Variants in AKAP13 observed in about 807,000 individuals in gnomAD.
AKAP13 encodes the protein A-kinase anchor protein 13.
Under a neutral mutation model 264.5 loss-of-function variants are expected in AKAP13, and 80 were observed. That is an observed-to-expected ratio of 0.30 (90% CI 0.25 to 0.36). The LOEUF (loss-of-function observed/expected upper bound fraction) is 0.36. AKAP13 is among the 10% of genes least tolerant of loss of function. The pLI, the probability that AKAP13 is intolerant of heterozygous loss-of-function variation, is 1.00. For synonymous variants in AKAP13, 1,380 were observed against 1,250.2 expected (o/e 1.10, Z -2.19); for missense variants, 3,712 against 3,435.2 (o/e 1.08, Z -2.01).
chr15:85,690,785 T>G (rs1054115067), intron 16 of AKAP13, among the ~76,000 whole-genome samples: 3 of 152,196 alleles, frequency 2.0e-5, no homozygotes, highest in African/African-American at 7.2e-5. Context: ...TAGTGCAGTG[T>G]ATGAGAGCTG....
rs1161786967 is a variant in AKAP13, at chr15:85,533,619, T to C, written c.217T>C (p.Cys73Arg). 10 of 1,613,874 alleles carry C rather than the reference T, an allele frequency of 6.2e-6. No individual in the cohort carries two copies. Among genetic ancestry groups the C allele is most frequent in the Middle Eastern group, 1.7e-4 (1 of 6,060 alleles). Residue 73 changes from cysteine to arginine, a missense_variant, in exon 4 of 37, where the codon TGT (cysteine) becomes CGT (arginine). Cys to Arg is a radical substitution (Grantham distance 180, BLOSUM62 -3). Around this residue, in one of 3 missense-constraint regions of AKAP13, gnomAD observed 2,759 missense variants for 2,411.7 expected, o/e 1.14. Coordinates refer to ENST00000394518, the MANE Select transcript of AKAP13 (RefSeq NM_007200.5). ...DCCETVKVQL[C>R]ASKEGLPVFV... Reference sequence around the variant, plus strand: ...TTGTGAAACAGTGAAGGTGCAGCTCTGTGCTTCCAAAGAGGGCCTTCCCGT... The same window carrying C: ...TTGTGAAACAGTGAAGGTGCAGCTCCGTGCTTCCAAAGAGGGCCTTCCCGT...
chr15:85,745,502 C>G lies in AKAP13; in HGVS notation c.*825C>G, dbSNP rs2542604. The G allele has an allele frequency of 0.94, 142,617 of 152,260 alleles. 66,844 individuals carry two copies. Among genetic ancestry groups the G allele is most frequent in the East Asian group, 0.98 (5,070 of 5,166 alleles). The allele number at this position is 152,260 out of a possible 1,614,324, so 9.4% of individuals were successfully genotyped here. On this transcript the variant is annotated 3_prime_UTR_variant, in exon 37 of 37. Transcript: ENST00000394518. The stretch of plus-strand genomic sequence containing the variant: ...CAGCATGTTTACCCACATGTTTTGG[C>G]CATGGATAAAGTGAAGAGGCCTACT...
intron 5 of AKAP13, among the ~76,000 whole-genome samples, chr15:85,562,915 T>C (rs1381340157): frequency 1.3e-5 from 2 of 150,336 alleles, no homozygotes; most frequent in African/African-American, 4.9e-5. Flanking sequence ...GGTTTCACCA[T>C]ATTGGCCAGG....
intron 10 of AKAP13, among the ~76,000 whole-genome samples, chr15:85,648,227 A>G (rs1402842625): frequency 1.3e-5 from 2 of 152,248 alleles, no homozygotes; most frequent in African/African-American, 4.8e-5. Context: ...AAACTAGGTC[A>G]TGGATATACA....
intron 1 of AKAP13, among the ~76,000 whole-genome samples, chr15:85,436,042 A>G: frequency 6.8e-6 from 1 of 146,026 alleles, no homozygotes; most frequent in Non-Finnish European, 1.5e-5. Context: ...AAGAGTCAAG[A>G]CCCATCAGTG....
chr15:85,689,231 G>C (rs932843331), intron 16 of AKAP13, among the ~76,000 whole-genome samples: 1 of 152,210 alleles, frequency 6.6e-6, no homozygotes, highest in Non-Finnish European at 1.5e-5. Flanking sequence ...CCTAGGTCCT[G>C]TGGTCTGTAT....
intron 34 of AKAP13, among the ~76,000 whole-genome samples, chr15:85,740,841 C>T (rs11632034): frequency 0.2 from 29,415 of 146,410 alleles, 3,891 homozygotes; most frequent in Middle Eastern, 0.45. Context: ...GACAAAAACC[C>T]GTGAGTTCCT....
intron 1 of AKAP13, among the ~76,000 whole-genome samples, chr15:85,478,298 A>G (rs956634502): frequency 2.0e-5 from 3 of 152,214 alleles, no homozygotes; most frequent in Admixed American, 6.5e-5. Context: ...TATGTCAAGA[A>G]AAAGATAACC....
In AKAP13 at chr15:85,580,942, A is replaced by G. The variant is rs745529052; in HGVS notation, c.2874A>G (p.Gln958=). Residue 958 remains glutamine, a synonymous_variant, in exon 7 of 37, where the codon CAA becomes CAG. Coordinates refer to ENST00000394518, the MANE Select transcript of AKAP13 (RefSeq NM_007200.5). ...AGCAGAGAACACCACCTCCTGGACA[A>G]GATACTCAACAATTTCATGAAAAAT... The part of the protein sequence containing the change: ...QEEQRTPPPG[Q]DTQQFHEKSI... 44 of 1,614,084 alleles carry G rather than the reference A, an allele frequency of 2.7e-5. No individual in the cohort carries two copies. The highest frequency in any genetic ancestry group is 1.9e-4 in the South Asian group (17 of 91,088).
rs188003400 is a variant in AKAP13, at chr15:85,500,407, C to T, written c.33+14654C>T. ...ACAGGAAGATTTATATTTTAAAGTTCTAGTATGTTGATTGTAACATTTTCA... is the reference window on the plus strand; with the variant it reads ...ACAGGAAGATTTATATTTTAAAGTTTTAGTATGTTGATTGTAACATTTTCA... On this transcript the variant is annotated intron_variant, in intron 2 of 36. Transcript: ENST00000394518. Among the ~76,000 whole-genome samples the T allele has an allele frequency of 5.4e-3, 818 of 152,228 alleles. 3 individuals are homozygous for T. Among genetic ancestry groups the T allele is most frequent in the Non-Finnish European group, 9.0e-3 (613 of 68,010 alleles).
chr15:85,381,184 G>C (rs1386657693), intron 1 of AKAP13, among the ~76,000 whole-genome samples: 1 of 152,104 alleles, frequency 6.6e-6, no homozygotes. Flanking sequence ...CGGCGCCGCC[G>C]GGGCGGGCTC....
Position 85,623,990 on chromosome 15 carries a change from CCTAA to C in AKAP13, c.4162-15381_4162-15378del, listed in dbSNP as rs1455983482. 3.9e-5 allele frequency among the ~76,000 whole-genome samples: 6 copies of C among 152,216 alleles called. No homozygotes were observed. In the South Asian group the frequency reaches 6.2e-4, roughly 16 times the overall value. On this transcript the variant is annotated intron_variant, in intron 8 of 36. Transcript: ENST00000394518. ...AGTTGGTAACTGATGGGAGCTTTCA[CCTAA>C]CTGAGTTCAGTAGCCAACTTTAGCT...
chr15:85,682,427 T>A (rs2291048), intron 15 of AKAP13, among the ~76,000 whole-genome samples: 28,516 of 152,184 alleles, frequency 0.19, 3,544 homozygotes, highest in Middle Eastern at 0.4. Context: ...GTCCTCATGA[T>A]AAAAATTGGT....
At chr15:85,462,699 G>C (rs973453259) in intron 1 of AKAP13, among the ~76,000 whole-genome samples, 5 of 152,200 alleles carry the variant, frequency 3.3e-5, no homozygotes, top group African/African-American at 1.2e-4. Context: ...AAATCTGGCA[G>C]AGAAATAGAA....
chr15:85,502,134 G>T (rs2076053690), intron 2 of AKAP13, among the ~76,000 whole-genome samples: 1 of 152,122 alleles, frequency 6.6e-6, no homozygotes, highest in Non-Finnish European at 1.5e-5. Flanking sequence ...TGCATTTCTG[G>T]TAAGTTCCCA....
At chr15:85,730,837 A>G (rs993881080) in intron 30 of AKAP13, 130 bp downstream of exon 30, 8 of 805,890 alleles carry the variant, frequency 9.9e-6, no homozygotes, top group African/African-American at 5.2e-5. Context: ...CAAATATTTC[A>G]CTATAGTAAA....
intron 1 of AKAP13, among the ~76,000 whole-genome samples, chr15:85,466,239 G>A (rs2074736992): frequency 2.0e-5 from 3 of 151,808 alleles, no homozygotes; most frequent in Admixed American, 1.3e-4. Flanking sequence ...GTTCATTGTA[G>A]ATTCTGGATA....
intron 2 of AKAP13, among the ~76,000 whole-genome samples, chr15:85,497,447 G>A (rs1041295407): frequency 3.3e-5 from 5 of 152,186 alleles, no homozygotes; most frequent in Admixed American, 2.0e-4. Flanking sequence ...TACCAGCCTG[G>A]ATAGATAGGC....
chr15:85,675,565 G>T lies in AKAP13; in HGVS notation c.5101+5735G>T, dbSNP rs1378406624. Among the ~76,000 whole-genome samples the T allele has an allele frequency of 9.8e-5, 15 of 152,308 alleles. 2 individuals carry two copies. The South Asian group carries it at 2.5e-3, about 25-fold the overall frequency. Reference sequence around the variant, plus strand: ...ACACCAGGCTAGACCATGGTAGGAGGGGGGTGAACTCACAGGTAGGGTTCC... The same window carrying T: ...ACACCAGGCTAGACCATGGTAGGAGTGGGGTGAACTCACAGGTAGGGTTCC... On this transcript the variant is annotated intron_variant, in intron 14 of 36. Coordinates refer to ENST00000394518, the MANE Select transcript of AKAP13 (RefSeq NM_007200.5).
Sources: allele counts gnomAD v4.1 joint callset (sites outside exome capture counted in the v4.1 genomes callset), GRCh38; gene constraint gnomAD v4.1.1; regional missense constraint gnomAD v4.1.1; transcripts MANE v1.5; gene names NCBI Gene and HGNC (gene_info 2026-07-23, HGNC 2026-07-21).